PTPN14: variants seen among roughly 807,000 people sequenced by gnomAD.
The protein encoded by PTPN14 is protein tyrosine phosphatase non-receptor type 14.
Under a neutral mutation model 126.8 loss-of-function variants are expected in PTPN14, and 53 were observed. The ratio of observed to expected loss-of-function variants is 0.42; its 90% CI spans 0.34 to 0.53. The LOEUF is 0.53. PTPN14 is among the 20% of genes least tolerant of loss of function. The pLI is 0.08. For synonymous variants in PTPN14, 630 were observed against 599.3 expected (o/e 1.05, Z -0.75); for missense variants, 1,257 against 1,552.9 (o/e 0.81, Z 3.20).
At chr1:214,388,986 A>G (rs1320100408) in intron 11 of PTPN14, among the ~76,000 whole-genome samples, 1 of 152,242 alleles carries the variant, frequency 6.6e-6, no homozygotes, top group Non-Finnish European at 1.5e-5. Flanking sequence ...ACTGAAATCA[A>G]TCTAAGAAAG....
intron 2 of PTPN14, among the ~76,000 whole-genome samples, chr1:214,458,346 CCA>C (rs1660431643): frequency 6.6e-6 from 1 of 152,054 alleles, no homozygotes; most frequent in African/African-American, 2.4e-5. Context: ...AGGCCTGGCC[CCA>C]GTTTCTAATA....
chr1:214,393,227 C>T (rs530908416), intron 10 of PTPN14, among the ~76,000 whole-genome samples: 7 of 152,320 alleles, frequency 4.6e-5, no homozygotes, highest in Admixed American at 4.6e-4. Flanking sequence ...CATTTACAGT[C>T]AGATGACATG....
At chr1:214,431,034 G>A (rs997206432) in intron 3 of PTPN14, among the ~76,000 whole-genome samples, 1 of 152,204 alleles carries the variant, frequency 6.6e-6, no homozygotes, top group Non-Finnish European at 1.5e-5. Context: ...AAGAAGGAAA[G>A]AGGAAAAGGG....
chr1:214,416,774 T>C (rs570256108), intron 3 of PTPN14, among the ~76,000 whole-genome samples: 2 of 152,264 alleles, frequency 1.3e-5, no homozygotes, highest in East Asian at 3.9e-4. Context: ...ACTTTGAAAA[T>C]TGTTTGGCTG....
chr1:214,452,945 T>A (rs1161263725), intron 2 of PTPN14, among the ~76,000 whole-genome samples: 1 of 152,166 alleles, frequency 6.6e-6, no homozygotes, highest in Non-Finnish European at 1.5e-5. Context: ...TATGCTGATG[T>A]TCCCACTCCA....
At position 214,522,227 on chromosome 1, in the gene PTPN14, G is replaced by T. The variant is rs142098184; in HGVS notation, c.-155+28956C>A. The stretch of plus-strand genomic sequence containing the variant: ...TGAGATTACAGGTGTGAGCCACTAT[G>T]TCCAGCCTGAAGCTTCTTATATCAT... On this transcript the variant is annotated intron_variant, in intron 1 of 18. Transcript: ENST00000366956. Among the ~76,000 whole-genome samples, 412 of 152,176 alleles carry T rather than the reference G, an allele frequency of 2.7e-3. 1 individual carries two copies. Among genetic ancestry groups the T allele is most frequent in the Non-Finnish European group, 4.4e-3 (301 of 68,004 alleles).
intron 2 of PTPN14, among the ~76,000 whole-genome samples, chr1:214,455,403 A>G (rs1336689899): frequency 6.6e-6 from 1 of 152,222 alleles, no homozygotes; most frequent in African/African-American, 2.4e-5. Flanking sequence ...ACCTGAGTAA[A>G]TGCCTGAAAT....
rs944070909 is a variant in PTPN14 at position 214,364,604 on chromosome 1, G to A, written c.3343C>T (p.Pro1115Ser). 3.1e-6 allele frequency: 5 copies of A among 1,614,116 alleles called. No individual in the cohort carries two copies. The highest frequency in any genetic ancestry group is 2.7e-5 in the African/African-American group (2 of 75,042). ...GCACTACAGTGGACCACGATGGGCG[G>A]GTGCCGGTTCTTGGTGCCTTCCAGC... ...SMLEGTKNRH[P>S]PIVVHCSAGV... Residue 1115 changes from proline to serine, a missense_variant, in exon 18 of 19, where the codon CCG becomes TCG. Pro to Ser is a moderately conservative substitution (Grantham distance 74, BLOSUM62 -1). Transcript: ENST00000366956. The surrounding 1 kb of genome is among the most constrained non-coding windows in gnomAD (Gnocchi z 4.1).
rs1658025563 is a variant in PTPN14 at position 214,364,402 on chromosome 1, G to A, written c.3435+110C>T. ...CCAGGAGCCTGGAAAACTCTGGTTG[G>A]GAGACAGGAAATTAACCACTGAAAA... On this transcript the variant is annotated intron_variant, in intron 18 of 18. Transcript: ENST00000366956. The surrounding 1 kb of genome is among the most constrained non-coding windows in gnomAD (Gnocchi z 4.1). 1.4e-6 allele frequency: 2 copies of A among 1,383,708 alleles called. No homozygotes were observed. Among genetic ancestry groups the A allele is most frequent in the Non-Finnish European group, 2.0e-6 (2 of 1,022,364 alleles). The allele number at this position is 1,383,708 out of a possible 1,614,324, so 85.7% of individuals were successfully genotyped here.
intron 1 of PTPN14, among the ~76,000 whole-genome samples, chr1:214,525,781 T>C (rs1166203181): frequency 6.6e-6 from 1 of 152,102 alleles, no homozygotes; most frequent in African/African-American, 2.4e-5. Context: ...AATTAGTGAC[T>C]TGGGACTCAG....
chr1:214,428,498 G>C (rs1017921793), intron 3 of PTPN14, among the ~76,000 whole-genome samples: 1 of 152,196 alleles, frequency 6.6e-6, no homozygotes, highest in African/African-American at 2.4e-5. Context: ...AAGTATCTTT[G>C]ATATAGTAAT....
chr1:214,391,825 T>G lies in PTPN14; in HGVS notation c.930-780A>C, dbSNP rs922090720. Among the ~76,000 whole-genome samples the G allele has an allele frequency of 7.2e-4, 109 of 152,306 alleles. 1 individual carries two copies. Among genetic ancestry groups the G allele is most frequent in the African/African-American group, 2.5e-3 (103 of 41,560 alleles). On this transcript the variant is annotated intron_variant, in intron 10 of 18. Transcript: ENST00000366956. ...TAATTTTTTGGTGATAAAATATCTT[T>G]TATGAAATGATGGAGGTAATATAGC... is the stretch of plus-strand genomic sequence containing the variant.
intron 5 of PTPN14, among the ~76,000 whole-genome samples, chr1:214,410,678 C>T (rs1266683940): frequency 2.0e-5 from 3 of 152,172 alleles, no homozygotes; most frequent in Admixed American, 2.0e-4. Context: ...TGTAGATGGC[C>T]AGTTTTCCCA....
chr1:214,463,498 G>A (rs1373264905), intron 2 of PTPN14, among the ~76,000 whole-genome samples: 2 of 152,188 alleles, frequency 1.3e-5, no homozygotes, highest in African/African-American at 4.8e-5. Flanking sequence ...ACCAAGAACA[G>A]CAGGAGACAG....
chr1:214,520,046 T>TC (rs1655207871), intron 1 of PTPN14, among the ~76,000 whole-genome samples: 1 of 23,102 alleles, frequency 4.3e-5, no homozygotes, highest in Non-Finnish European at 7.7e-5. Context: ...AAACCCTGTC[T>TC]CAAAAAAAAA....
chr1:214,426,011 T>C (rs1659653698), intron 3 of PTPN14, among the ~76,000 whole-genome samples: 1 of 102,790 alleles, frequency 9.7e-6, no homozygotes, highest in Non-Finnish European at 1.8e-5. Flanking sequence ...CTATAGTTTC[T>C]ACAATCTGGA....
At position 214,394,866 on chromosome 1, in the gene PTPN14, G is replaced by T. The variant is rs1457781105; in HGVS notation, c.846+33C>A. ...TGAAAAGTCCAAAAGCCAGTGTCTT[G>T]TCAGACCCTGACTGTTTGTCTGTTG... On this transcript the variant is annotated intron_variant, in intron 9 of 18. Transcript: ENST00000366956. The T allele has an allele frequency of 2.6e-6, 4 of 1,567,204 alleles. No individual in the cohort carries two copies. The Admixed American group carries it at 6.7e-5, about 26-fold the overall frequency.
Position 214,511,379 on chromosome 1 carries a change from A to G in PTPN14, c.-155+39804T>C, listed in dbSNP as rs78311455. On this transcript the variant is annotated intron_variant, in intron 1 of 18. Coordinates refer to ENST00000366956, the MANE Select transcript of PTPN14 (RefSeq NM_005401.5). ...ACAGACTACCAAATTGTAAAATACA[A>G]AAGCATCACTAATAAGCACATGAAA... Among the ~76,000 whole-genome samples, 1,489 of 152,314 alleles carry G rather than the reference A, an allele frequency of 9.8e-3. 21 individuals are homozygous for G. The highest frequency in any genetic ancestry group is 0.034 in the African/African-American group (1,412 of 41,560).
At chr1:214,471,247 A>T (rs978785006) in intron 1 of PTPN14, among the ~76,000 whole-genome samples, 1 of 152,150 alleles carries the variant, frequency 6.6e-6, no homozygotes, top group Non-Finnish European at 1.5e-5. Flanking sequence ...AGACTAAAGA[A>T]AGGGAAAAAT....
Sources: gnomAD v4.1 joint callset for allele counts (sites outside exome capture counted in the v4.1 genomes callset) on GRCh38, gnomAD v4.1.1 for gene constraint, Gnocchi (gnomAD v3.1) non-coding constraint, MANE v1.5 for transcripts, NCBI Gene and HGNC (gene_info 2026-07-23, HGNC 2026-07-21) for gene names.